The following GALNTL6 variants were observed in gnomAD, a reference collection of about 807,000 sequenced individuals.
The protein encoded by GALNTL6 is polypeptide N-acetylgalactosaminyltransferase-like 6.
Under a neutral mutation model 73.7 loss-of-function variants are expected in GALNTL6, and 46 were observed. The observed-to-expected ratio is 0.62, with a 90% CI of 0.49 to 0.80. The LOEUF is 0.80. GALNTL6 is among the 30% of genes least tolerant of loss of function. The pLI, the probability that GALNTL6 is intolerant of heterozygous loss-of-function variation, is 0.00. For synonymous variants in GALNTL6, 259 were observed against 263.7 expected (o/e 0.98, Z 0.17); for missense variants, 604 against 755.0 (o/e 0.80, Z 2.34).
intron 2 of GALNTL6, among the ~76,000 whole-genome samples, chr4:172,206,477 A>T (rs1445132491): frequency 6.6e-6 from 1 of 152,168 alleles, no homozygotes; most frequent in Admixed American, 6.5e-5. Flanking sequence ...CTGCATTAGT[A>T]ATTTGTACTG....
In GALNTL6 at chr4:172,068,894, G is replaced by T. The variant is rs1238317154; in HGVS notation, c.139-160762G>T. Among the ~76,000 whole-genome samples, 3 of 109,532 alleles carry T rather than the reference G, an allele frequency of 2.7e-5. 1 individual carries two copies. Among genetic ancestry groups the T allele is most frequent in the African/African-American group, 1.0e-4 (3 of 29,140 alleles). 71.9% of individuals were successfully genotyped at this position (109,532 alleles called of 152,430 possible). On this transcript the variant is annotated intron_variant, in intron 2 of 12. Coordinates refer to ENST00000506823, the MANE Select transcript of GALNTL6 (RefSeq NM_001034845.3). Reference sequence around the variant, plus strand: ...TTTTACAAGGAGCATCTTTTAGCAGGCTTTGTAAGCAGTTTGGTGCCTGCA... The same window carrying T: ...TTTTACAAGGAGCATCTTTTAGCAGTCTTTGTAAGCAGTTTGGTGCCTGCA...
intron 5 of GALNTL6, among the ~76,000 whole-genome samples, chr4:172,749,079 G>A (rs143701347): frequency 1.1e-3 from 154 of 142,814 alleles, no homozygotes; most frequent in African/African-American, 3.4e-3. Flanking sequence ...AATTTTTGTT[G>A]TTGTTGTTGT....
At chr4:172,689,571 G>A (rs1733138109) in intron 5 of GALNTL6, among the ~76,000 whole-genome samples, 1 of 152,114 alleles carries the variant, frequency 6.6e-6, no homozygotes, top group Admixed American at 6.5e-5. Flanking sequence ...ACTCTGATAT[G>A]AAGACAGATA....
intron 2 of GALNTL6, among the ~76,000 whole-genome samples, chr4:171,900,757 A>T (rs1335375011): frequency 6.6e-6 from 1 of 152,156 alleles, no homozygotes; most frequent in Non-Finnish European, 1.5e-5. Context: ...ATCAATTGAG[A>T]TTGATGTTGG....
rs529300945 is a variant in GALNTL6, at chr4:172,498,088, T to C, written c.553+149399T>C. Among the ~76,000 whole-genome samples the C allele has an allele frequency of 5.3e-5, 8 of 150,398 alleles. No homozygotes were observed. The East Asian group carries it at 1.6e-3, about 29-fold the overall frequency. On this transcript the variant is annotated intron_variant, in intron 5 of 12. Coordinates refer to ENST00000506823, the MANE Select transcript of GALNTL6 (RefSeq NM_001034845.3). ...TCACTGTAACCTCCGCCTCCCAGGT[T>C]CCAGCGACTCTCCTGCCTCAGCCTC...
chr4:172,734,992 G>T (rs1736374056), intron 5 of GALNTL6, among the ~76,000 whole-genome samples: 1 of 152,198 alleles, frequency 6.6e-6, no homozygotes, highest in Non-Finnish European at 1.5e-5. Flanking sequence ...TGTGCTGCAG[G>T]GTTGTAGCCC....
chr4:172,909,327 A>G (rs1243314425), intron 8 of GALNTL6, among the ~76,000 whole-genome samples: 1 of 146,232 alleles, frequency 6.8e-6, no homozygotes, highest in Non-Finnish European at 1.5e-5. Context: ...AAAAAACTAG[A>G]AGCAATCAAC....
At chr4:172,653,873 A>G (rs1730831411) in intron 5 of GALNTL6, among the ~76,000 whole-genome samples, 1 of 152,238 alleles carries the variant, frequency 6.6e-6, no homozygotes, top group African/African-American at 2.4e-5. Context: ...AATTGTATCT[A>G]CAAAACTTGG....
intron 2 of GALNTL6, among the ~76,000 whole-genome samples, chr4:171,891,418 A>G (rs1411708315): frequency 6.6e-6 from 1 of 152,188 alleles, no homozygotes; most frequent in African/African-American, 2.4e-5. Context: ...AATGGACTTA[A>G]TTAAGCATTT....
At chr4:172,691,447 G>A (rs891750232) in intron 5 of GALNTL6, among the ~76,000 whole-genome samples, 10 of 152,166 alleles carry the variant, frequency 6.6e-5, no homozygotes, top group African/African-American at 1.4e-4. Context: ...ATCCATGTCC[G>A]TCTAAAGAAG....
chr4:172,771,940 TA>T (rs1738788303), intron 5 of GALNTL6, among the ~76,000 whole-genome samples: 1 of 152,180 alleles, frequency 6.6e-6, no homozygotes, highest in Non-Finnish European at 1.5e-5. Flanking sequence ...ATGCTGCTGA[TA>T]AAGACATACC....
chr4:172,153,233 G>T (rs1444791911), intron 2 of GALNTL6, among the ~76,000 whole-genome samples: 1 of 152,086 alleles, frequency 6.6e-6, no homozygotes, highest in Non-Finnish European at 1.5e-5. Flanking sequence ...GTAGTAAAAG[G>T]GCTTACTGTT....
chr4:172,603,045 T>G (rs1276977193), intron 5 of GALNTL6, among the ~76,000 whole-genome samples: 2 of 152,160 alleles, frequency 1.3e-5, no homozygotes, highest in African/African-American at 4.8e-5. Context: ...TCAGAAAGCA[T>G]ACCAGTGGTT....
chr4:172,191,580 G>A lies in GALNTL6; in HGVS notation c.139-38076G>A, dbSNP rs993982415. ...TCTACACTTTGGATTCACTTCAGTCGGACTGAAATGCATGACTTAATGTCC... is the reference window on the plus strand; with the variant it reads ...TCTACACTTTGGATTCACTTCAGTCAGACTGAAATGCATGACTTAATGTCC... On this transcript the variant is annotated intron_variant, in intron 2 of 12. Coordinates refer to ENST00000506823, the MANE Select transcript of GALNTL6 (RefSeq NM_001034845.3). Among the ~76,000 whole-genome samples, 6 of 152,190 alleles carry A rather than the reference G, an allele frequency of 3.9e-5. No individual in the cohort carries two copies. In the South Asian group the frequency reaches 8.3e-4, roughly 21 times the overall value.
intron 5 of GALNTL6, among the ~76,000 whole-genome samples, chr4:172,785,926 T>A (rs143503004): frequency 4.2e-4 from 64 of 152,320 alleles, no homozygotes; most frequent in Middle Eastern, 3.4e-3. Flanking sequence ...TCTTCAGAAA[T>A]TAGTTCCAAT....
intron 5 of GALNTL6, among the ~76,000 whole-genome samples, chr4:172,397,750 G>T (rs1743901385): frequency 6.6e-6 from 1 of 151,862 alleles, no homozygotes; most frequent in South Asian, 2.1e-4. Flanking sequence ...GCTAATTTTT[G>T]TATTTTTTAG....
intron 5 of GALNTL6, among the ~76,000 whole-genome samples, chr4:172,799,430 T>G (rs534744710): frequency 6.6e-6 from 1 of 152,234 alleles, no homozygotes; most frequent in Non-Finnish European, 1.5e-5. Flanking sequence ...AGCTACTATG[T>G]TCTATATTGA....
chr4:172,776,688 C>G (rs755045982), intron 5 of GALNTL6, among the ~76,000 whole-genome samples: 1 of 152,112 alleles, frequency 6.6e-6, no homozygotes, highest in Non-Finnish European at 1.5e-5. Flanking sequence ...AAATGTCACG[C>G]AAGAGAAATT....
intron 5 of GALNTL6, among the ~76,000 whole-genome samples, chr4:172,733,896 G>A (rs951758100): frequency 6.6e-6 from 1 of 152,186 alleles, no homozygotes; most frequent in Non-Finnish European, 1.5e-5. Context: ...ATGTGGAAGC[G>A]ACTTAGAAAC....
Sources: gnomAD v4.1 joint callset for allele counts (sites outside exome capture counted in the v4.1 genomes callset) on GRCh38, gnomAD v4.1.1 for gene constraint, MANE v1.5 for transcripts, NCBI Gene and HGNC (gene_info 2026-07-23, HGNC 2026-07-21) for gene names.